The following MRTFA variants were observed in gnomAD, a reference collection of about 807,000 sequenced individuals.
The protein encoded by MRTFA is myocardin related transcription factor A.
In MRTFA, 20 loss-of-function variants were observed where a neutral mutation model predicts 83.5. The observed-to-expected ratio is 0.24, with a 90% CI of 0.17 to 0.35. The LOEUF is 0.35. Ranked by LOEUF, MRTFA falls within the 10% of genes least tolerant of loss-of-function variation. MRTFA has a pLI of 1.00. For synonymous variants in MRTFA, 659 were observed against 541.2 expected, an observed-to-expected ratio of 1.22 and a Z score of -3.02; for missense variants, 1,200 against 1,224.7, an observed-to-expected ratio of 0.98 and a Z score of 0.30.
At chr22:40,544,045 G>T (rs1334013577) in intron 3 of MRTFA, among the ~76,000 whole-genome samples, 1 of 152,058 alleles carries the variant, frequency 6.6e-6, no homozygotes, top group African/African-American at 2.4e-5. Context: ...CTTGATATAT[G>T]AAAGACGTAG....
intron 7 of MRTFA, among the ~76,000 whole-genome samples, chr22:40,427,523 G>T (rs550325256): frequency 1.3e-5 from 2 of 152,314 alleles, no homozygotes; most frequent in Admixed American, 6.5e-5. Flanking sequence ...GCCTCAGGAG[G>T]GGCAGGCAGG....
At position 40,418,804 on chromosome 22, in the gene MRTFA, T is replaced by C; in HGVS notation, c.1934A>G (p.Gln645Arg). The C allele has an allele frequency of 6.2e-7, 1 of 1,606,084 alleles. No individual in the cohort carries two copies. The highest frequency in any genetic ancestry group is 8.5e-7 in the Non-Finnish European group (1 of 1,178,370). Residue 645 changes from glutamine (Q) to arginine (R), a missense_variant, in exon 12 of 15, where the codon CAG becomes CGG. By Grantham distance (43) the Gln-to-Arg change is conservative. Transcript: ENST00000355630. ...CAGCTTGAGCCGCTCCACCAGCTGCTGCTTCTGCCGGAGCATGCGCGTCAG... is the reference window on the plus strand; with the variant it reads ...CAGCTTGAGCCGCTCCACCAGCTGCCGCTTCTGCCGGAGCATGCGCGTCAG...
chr22:40,463,519 A>C (rs2053753867), intron 3 of MRTFA: 2 of 454,242 alleles, frequency 4.4e-6, no homozygotes, highest in Admixed American at 3.9e-5. Context: ...GGCGATAACA[A>C]TCCACAAAGC....
Position 40,556,806 on chromosome 22 carries a change from T to C in MRTFA, c.-21-4439A>G, listed in dbSNP as rs2055532152. On this transcript the variant is annotated intron_variant, in intron 2 of 14. Coordinates refer to ENST00000355630, the MANE Select transcript of MRTFA (RefSeq NM_020831.6). ...CGGCTGAGTATTCTTTGTCATTGAC[T>C]CTGAAAGAGCATGTCTGCTTCTTTT... is the stretch of plus-strand genomic sequence containing the variant. 2.6e-5 allele frequency among the ~76,000 whole-genome samples: 4 copies of C among 152,246 alleles called. No individual in the cohort carries two copies. The South Asian group carries it at 8.3e-4, about 32-fold the overall frequency.
rs892805583 is a variant in MRTFA at position 40,491,593 on chromosome 22, G to A, written c.242-28307C>T. 1.3e-5 allele frequency among the ~76,000 whole-genome samples: 2 copies of A among 152,184 alleles called. 1 individual carries two copies. Among genetic ancestry groups the A allele is most frequent in the African/African-American group, 4.8e-5 (2 of 41,452 alleles). On this transcript the variant is annotated intron_variant, in intron 3 of 14. Coordinates refer to ENST00000355630, the MANE Select transcript of MRTFA (RefSeq NM_020831.6). ...AAATGATCATCAATAGCTCCCATTT[G>A]TATAGTACCTAAGGCCAAAGTGCAT... is the stretch of plus-strand genomic sequence containing the variant.
chr22:40,425,064 G>C (rs1383195368), intron 7 of MRTFA, among the ~76,000 whole-genome samples: 1 of 152,206 alleles, frequency 6.6e-6, no homozygotes. Flanking sequence ...GGGCAGGTGG[G>C]GCACCAGAAG....
At chr22:40,464,624 A>C (rs904230653) in intron 3 of MRTFA, among the ~76,000 whole-genome samples, 17 of 152,202 alleles carry the variant, frequency 1.1e-4, no homozygotes, top group Non-Finnish European at 2.9e-5. Flanking sequence ...GGGCCTTCCA[A>C]GTCACATCTG....
At chr22:40,495,742 A>T (rs2054342434) in intron 3 of MRTFA, among the ~76,000 whole-genome samples, 1 of 133,740 alleles carries the variant, frequency 7.5e-6, no homozygotes, top group African/African-American at 2.9e-5. Context: ...CTGGCAATAG[A>T]GCGAGACTCC....
intron 2 of MRTFA, among the ~76,000 whole-genome samples, chr22:40,573,808 T>C (rs1019632173): frequency 1.3e-5 from 2 of 152,116 alleles, no homozygotes; most frequent in Non-Finnish European, 2.9e-5. Flanking sequence ...TGATGGCTCA[T>C]GCCTGTAATC....
At chr22:40,589,466 G>A (rs1212260571) in intron 2 of MRTFA, among the ~76,000 whole-genome samples, 3 of 152,096 alleles carry the variant, frequency 2.0e-5, no homozygotes, top group Non-Finnish European at 4.4e-5. Flanking sequence ...GCTGAGCCAG[G>A]GTTCAAACCC....
At chr22:40,556,100 TTTGA>T (rs528537695) in intron 2 of MRTFA, among the ~76,000 whole-genome samples, 45 of 151,200 alleles carry the variant, frequency 3.0e-4, no homozygotes, top group Non-Finnish European at 4.9e-4. Context: ...AGGGGTTCTG[TTTGA>T]TTGGACAATG....
chr22:40,455,848 T>TATG (rs1403206532), intron 4 of MRTFA, among the ~76,000 whole-genome samples: 4 of 91,478 alleles, frequency 4.4e-5, no homozygotes, highest in African/African-American at 1.5e-4. Context: ...ATGTATGTAT[T>TATG]TATGAGATGA....
chr22:40,529,388 C>T (rs965822021), intron 3 of MRTFA, among the ~76,000 whole-genome samples: 10 of 152,068 alleles, frequency 6.6e-5, no homozygotes, highest in African/African-American at 2.4e-4. Context: ...GCGATCTCGG[C>T]TCACCGCAAC....
intron 7 of MRTFA, 131 bp downstream of exon 7, chr22:40,429,475 T>C (rs1166660913): frequency 9.3e-7 from 1 of 1,070,282 alleles, no homozygotes; most frequent in Non-Finnish European, 1.4e-6. Context: ...GTGCCTTGGT[T>C]CTCCCAAGGC....
chr22:40,451,948 C>T (rs948542830), intron 4 of MRTFA, among the ~76,000 whole-genome samples: 2 of 151,298 alleles, frequency 1.3e-5, no homozygotes, highest in Admixed American at 6.6e-5. Context: ...AAATAACATC[C>T]CACCTGGCTG....
At position 40,419,326 on chromosome 22, in the gene MRTFA, G is replaced by C. The variant is rs1480868679; in HGVS notation, c.1412C>G (p.Thr471Ser). 6.2e-7 allele frequency: 1 copy of C among 1,613,898 alleles called. No homozygotes were observed. The highest frequency in any genetic ancestry group is 1.3e-5 in the African/African-American group (1 of 74,928). The stretch of plus-strand genomic sequence containing the variant: ...GGCTCGAAGGCGCTCAATCAGCTCA[G>C]TTTTGGTGCCCGAGACAGGCAGTGA... The change falls in exon 12 of 15, where the codon ACT (threonine) becomes AGT (serine). Residue 471 changes from threonine to serine, a missense_variant. By Grantham distance (58) the Thr-to-Ser change is moderately conservative. Coordinates refer to ENST00000355630, the MANE Select transcript of MRTFA (RefSeq NM_020831.6).
intron 13 of MRTFA, 47 bp downstream of exon 13, chr22:40,417,294 C>T (rs1394399876): frequency 6.3e-7 from 1 of 1,590,242 alleles, no homozygotes; most frequent in Non-Finnish European, 8.6e-7. Flanking sequence ...AGCCCAGCAG[C>T]CTAGGGCAGC....
intron 3 of MRTFA, among the ~76,000 whole-genome samples, chr22:40,535,554 TG>T (rs934821150): frequency 1.1e-4 from 16 of 152,120 alleles, no homozygotes; most frequent in African/African-American, 3.9e-4. Flanking sequence ...GGTTTCACCA[TG>T]TTGCCCAGGC....
At chr22:40,435,823 T>A (rs1343172247) in intron 4 of MRTFA, among the ~76,000 whole-genome samples, 1 of 150,052 alleles carries the variant, frequency 6.7e-6, no homozygotes, top group Non-Finnish European at 1.5e-5. Flanking sequence ...AAGTCCCAGC[T>A]ACAAGGGAGG....
Sources: gnomAD v4.1 joint callset for allele counts (sites outside exome capture counted in the v4.1 genomes callset) on GRCh38, gnomAD v4.1.1 for gene constraint, MANE v1.5 for transcripts, NCBI Gene and HGNC (gene_info 2026-07-23, HGNC 2026-07-21) for gene names.